Variants in KYAT1 observed in about 807,000 individuals in gnomAD.
KYAT1 encodes the protein kynurenine--oxoglutarate transaminase 1.
In KYAT1, 47 loss-of-function variants were observed where a neutral mutation model predicts 52.4. The ratio of observed to expected loss-of-function variants is 0.90; its 90% CI spans 0.71 to 1.14. The LOEUF is 1.14. Ranked by LOEUF, KYAT1 falls within the 50% of genes most tolerant of loss-of-function variation. KYAT1 has a pLI of 0.00. For synonymous variants in KYAT1, 212 were observed against 209.6 expected (o/e 1.01, Z -0.10); for missense variants, 480 against 557.9 (o/e 0.86, Z 1.41).
intron 1 of KYAT1, among the ~76,000 whole-genome samples, chr9:128,858,736 G>A (rs1275752046): frequency 6.6e-6 from 1 of 151,738 alleles, no homozygotes; most frequent in Non-Finnish European, 1.5e-5. Context: ...GGCCAGGCCC[G>A]GTGGCTCACG....
At chr9:128,858,062 T>A (rs1834912462) in intron 1 of KYAT1, among the ~76,000 whole-genome samples, 1 of 151,872 alleles carries the variant, frequency 6.6e-6, no homozygotes, top group Non-Finnish European at 1.5e-5. Context: ...TGGAAGGAAA[T>A]ATCTGCAAAT....
upstream of KYAT1, chr9:128,882,234 G>T (rs1044116550): frequency 1.3e-5 from 2 of 152,924 alleles, no homozygotes; most frequent in South Asian, 1.9e-4. Flanking sequence ...CCGGGCGGCC[G>T]GGCGCGGCGA....
intron 1 of KYAT1, among the ~76,000 whole-genome samples, chr9:128,861,645 A>G (rs957235178): frequency 6.6e-6 from 1 of 152,214 alleles, no homozygotes; most frequent in African/African-American, 2.4e-5. Context: ...CCTGAAACTA[A>G]GTACCTGTGC....
At chr9:128,841,712 A>G (rs1019164123) in intron 3 of KYAT1, among the ~76,000 whole-genome samples, 5 of 150,216 alleles carry the variant, frequency 3.3e-5, no homozygotes, top group Non-Finnish European at 5.9e-5. Context: ...AAAAAAAAAA[A>G]AGAATGAGGG....
At chr9:128,864,345 G>A (rs1021619212) in intron 1 of KYAT1, among the ~76,000 whole-genome samples, 13 of 120,390 alleles carry the variant, frequency 1.1e-4, no homozygotes, top group African/African-American at 3.3e-4. Flanking sequence ...CAGCCTGGGC[G>A]ACAGAGCGAG....
At chr9:128,836,747 G>A (rs921400885) in intron 7 of KYAT1, 55 bp downstream of exon 7, 68 of 1,592,784 alleles carry the variant, frequency 4.3e-5, no homozygotes, top group Non-Finnish European at 5.4e-5. Flanking sequence ...CTCAGGTGGG[G>A]TCAAGGCCCT....
intron 3 of KYAT1, 75 bp downstream of exon 3, chr9:128,842,579 C>CT: frequency 2.1e-6 from 3 of 1,448,638 alleles, no homozygotes; most frequent in Non-Finnish European, 2.9e-6. Context: ...AGCCTGACAG[C>CT]TGTGTGGGCT....
At chr9:128,857,489 G>A (rs1045576658) in intron 1 of KYAT1, among the ~76,000 whole-genome samples, 3 of 152,132 alleles carry the variant, frequency 2.0e-5, no homozygotes, top group African/African-American at 2.4e-5. Context: ...AATTACATGC[G>A]TGAGCCATGT....
At chr9:128,865,650 C>T (rs1836272429) in intron 1 of KYAT1, among the ~76,000 whole-genome samples, 1 of 151,908 alleles carries the variant, frequency 6.6e-6, no homozygotes, top group African/African-American at 2.4e-5. Context: ...GCGTGAGCCA[C>T]CACACCCAGC....
chr9:128,835,630 A>G lies in KYAT1; in HGVS notation c.893T>C (p.Leu298Pro). The G allele has an allele frequency of 1.2e-6, 2 of 1,611,652 alleles. No homozygotes were observed. The highest frequency in any genetic ancestry group is 4.5e-5 in the East Asian group (2 of 44,868). The change falls in exon 10 of 13, where the codon CTC becomes CCC. Residue 298 changes from leucine to proline, a missense_variant. By Grantham distance (98) the Leu-to-Pro change is moderately conservative (BLOSUM62 -3). Coordinates refer to ENST00000302586, the MANE Select transcript of KYAT1 (RefSeq NM_004059.5). ...AAAGTAGCTGCTGGGTTGGCGGAAG[A>G]GCAGCTGCTCCCGTTCAAAGCTCTC... Reference protein sequence around the residue: ...VAESFEREQLLFRQPSSYFVQ... With the variant: ...VAESFEREQLPFRQPSSYFVQ...
In KYAT1 at chr9:128,833,303, G is replaced by A; in HGVS notation, c.*281C>T. The A allele has an allele frequency of 1.8e-6, 1 of 568,764 alleles. No homozygotes were observed. The highest frequency in any genetic ancestry group is 3.1e-6 in the Non-Finnish European group (1 of 318,452). 35.2% of individuals were successfully genotyped at this position (568,764 alleles called of 1,614,324 possible). On this transcript the variant is annotated 3_prime_UTR_variant, in exon 13 of 13. Coordinates refer to ENST00000302586, the MANE Select transcript of KYAT1 (RefSeq NM_004059.5). ...GAAGTCTACCGTCCGTCTCAGCCAA[G>A]CCTGGAGAGACCAGAAGCAACACAA...
chr9:128,873,772 A>T (rs1175197870), intron 1 of KYAT1, among the ~76,000 whole-genome samples: 1 of 151,586 alleles, frequency 6.6e-6, no homozygotes, highest in Non-Finnish European at 1.5e-5. Flanking sequence ...AAAAGAAAAA[A>T]AAAATTAAAT....
At chr9:128,863,191 G>T (rs1167699164) in intron 1 of KYAT1, among the ~76,000 whole-genome samples, 1 of 152,006 alleles carries the variant, frequency 6.6e-6, no homozygotes, top group African/African-American at 2.4e-5. Flanking sequence ...CCCAGGATCA[G>T]GCCCCAAGTA....
intron 1 of KYAT1, among the ~76,000 whole-genome samples, chr9:128,879,629 C>G (rs1199256278): frequency 6.6e-6 from 1 of 152,166 alleles, no homozygotes; most frequent in Non-Finnish European, 1.5e-5. Context: ...TAGTGGACAC[C>G]AAGGCCAAGT....
At chr9:128,843,199 C>A (rs1385403876) in intron 2 of KYAT1, among the ~76,000 whole-genome samples, 3 of 152,002 alleles carry the variant, frequency 2.0e-5, no homozygotes, top group Non-Finnish European at 4.4e-5. Flanking sequence ...AAAAAACACA[C>A]ACATACACAC....
chr9:128,860,192 C>T (rs2130653302), intron 1 of KYAT1: 1 of 152,236 alleles, frequency 6.6e-6, no homozygotes, highest in East Asian at 1.9e-4. Flanking sequence ...AGCCGTGAAC[C>T]AATTGCATAC....
chr9:128,838,939 T>C (rs1404823701), intron 3 of KYAT1, among the ~76,000 whole-genome samples: 3 of 128,650 alleles, frequency 2.3e-5, no homozygotes, highest in African/African-American at 9.1e-5. Flanking sequence ...GAGAGGCTTT[T>C]ATTTATTTAT....
chr9:128,849,362 G>T (rs1394342359), intron 1 of KYAT1, among the ~76,000 whole-genome samples: 1 of 129,504 alleles, frequency 7.7e-6, no homozygotes, highest in Admixed American at 9.5e-5. Context: ...AGTGAGCCGA[G>T]ATCACACCAC....
At position 128,837,987 on chromosome 9, in the gene KYAT1, A is replaced by G; in HGVS notation, c.438+64T>C. On this transcript the variant is annotated intron_variant, in intron 5 of 12. Transcript: ENST00000302586. ...CTTCTTTCCTCCTTTTCCAACTCCC[A>G]GGGTCCAACTCAGCCCACGCCTTGG... 3.2e-6 allele frequency: 5 copies of G among 1,557,662 alleles called. No homozygotes were observed. The South Asian group carries it at 5.6e-5, about 17-fold the overall frequency.
Sources: allele counts gnomAD v4.1 joint callset (sites outside exome capture counted in the v4.1 genomes callset), GRCh38; gene constraint gnomAD v4.1.1; transcripts MANE v1.5; gene names NCBI Gene and HGNC (gene_info 2026-07-23, HGNC 2026-07-21).